KPNB1: variants seen among roughly 807,000 people sequenced by gnomAD.
KPNB1 encodes the protein importin subunit beta-1.
Under a neutral mutation model 113.0 loss-of-function variants are expected in KPNB1, and 7 were observed. The observed-to-expected ratio is 0.06, with a 90% CI of 0.04 to 0.12. The LOEUF is 0.12. KPNB1 is among the 10% of genes least tolerant of loss of function. The pLI, the probability that KPNB1 is intolerant of heterozygous loss-of-function variation, is 1.00. For synonymous variants in KPNB1, 363 were observed against 378.6 expected (o/e 0.96, Z 0.48); for missense variants, 400 against 1,054.8 (o/e 0.38, Z 8.60).
At chr17:47,653,430 C>T (rs1215038039) in intron 3 of KPNB1, among the ~76,000 whole-genome samples, 10 of 151,942 alleles carry the variant, frequency 6.6e-5, no homozygotes, top group Admixed American at 2.0e-4. Context: ...GAAGTAGAGA[C>T]GGGGTTTCAC....
At chr17:47,675,050 G>A (rs1174903874) in intron 15 of KPNB1, among the ~76,000 whole-genome samples, 1 of 152,032 alleles carries the variant, frequency 6.6e-6, no homozygotes, top group Non-Finnish European at 1.5e-5. Context: ...GAACTCCTGA[G>A]TCAAGTGATC....
intron 20 of KPNB1, 22 bp from the exon 21 acceptor site, chr17:47,680,486 C>T (rs765372631): frequency 4.3e-6 from 7 of 1,613,298 alleles, no homozygotes; most frequent in Non-Finnish European, 5.1e-6. Context: ...AGCTCATTCT[C>T]AGCTGTGTTT....
chr17:47,665,242 C>T, intron 9 of KPNB1, 84 bp downstream of exon 9: 5 of 1,000,620 alleles, frequency 5.0e-6, no homozygotes, highest in Non-Finnish European at 7.9e-6. Context: ...GAAGGAACTT[C>T]GCAGCCCATC....
chr17:47,672,401 TA>T (rs1323344525), intron 12 of KPNB1, among the ~76,000 whole-genome samples: 1 of 151,316 alleles, frequency 6.6e-6, no homozygotes, highest in Non-Finnish European at 1.5e-5. Context: ...AAAATTGGGG[TA>T]TTTTTTTTTT....
At chr17:47,679,301 C>CAACATAAA (rs2143178898) in intron 19 of KPNB1, among the ~76,000 whole-genome samples, 1 of 152,174 alleles carries the variant, frequency 6.6e-6, no homozygotes, top group South Asian at 2.1e-4. Context: ...GGAAGAAACC[C>CAACATAAA]AACATAAATG....
At chr17:47,662,790 C>T (rs1050092145) in intron 6 of KPNB1, among the ~76,000 whole-genome samples, 6 of 151,480 alleles carry the variant, frequency 4.0e-5, no homozygotes, top group African/African-American at 1.2e-4. Flanking sequence ...GGCTGAGGCA[C>T]GAGAATTGCT....
chr17:47,669,848 A>G lies in KPNB1; in HGVS notation c.1395A>G (p.Arg465=). 6.2e-7 allele frequency: 1 copy of G among 1,608,822 alleles called. No individual in the cohort carries two copies. Among genetic ancestry groups the G allele is most frequent in the Non-Finnish European group, 8.5e-7 (1 of 1,175,480 alleles). The change falls in exon 11 of 22, where the codon AGA becomes AGG. Residue 465 remains arginine, a synonymous_variant. Coordinates refer to ENST00000290158, the MANE Select transcript of KPNB1 (RefSeq NM_002265.6). The stretch of plus-strand genomic sequence containing the variant: ...TTGAGGGTCTCAGTGCTGAACCCAG[A>G]GTGGCTTCAAATGTGTGCTGGGTAA... The part of the protein sequence containing the change: ...CLIEGLSAEP[R]VASNVCWAFS...
At chr17:47,665,580 A>G (rs192503308) in intron 9 of KPNB1, among the ~76,000 whole-genome samples, 6 of 152,362 alleles carry the variant, frequency 3.9e-5, no homozygotes, top group South Asian at 4.1e-4. Flanking sequence ...GAAGTTGGAT[A>G]TAAGTTATTC....
Position 47,670,818 on chromosome 17 carries a change from A to G in KPNB1, c.1533A>G (p.Leu511=), listed in dbSNP as rs1044974836. The change falls in exon 12 of 22, where the codon CTA becomes CTG. Residue 511 remains leucine, a synonymous_variant. Coordinates refer to ENST00000290158, the MANE Select transcript of KPNB1 (RefSeq NM_002265.6). ...SSFELIVQKL[L]ETTDRPDGHQ... ...TTGAACTCATAGTTCAGAAGCTCCT[A>G]GAGACTACAGACAGGTAACTGATAT... The G allele has an allele frequency of 4.4e-6, 7 of 1,607,806 alleles. No homozygotes were observed. Among genetic ancestry groups the G allele is most frequent in the Non-Finnish European group, 5.1e-6 (6 of 1,174,966 alleles).
intron 14 of KPNB1, 126 bp downstream of exon 14, chr17:47,673,687 G>A (rs2143158584): frequency 1.4e-6 from 1 of 732,562 alleles, no homozygotes; most frequent in East Asian, 2.6e-5. Context: ...GCTGTTCTCA[G>A]AAGGCTTTGG....
chr17:47,653,498 T>C (rs565240198), intron 3 of KPNB1, among the ~76,000 whole-genome samples: 7 of 152,274 alleles, frequency 4.6e-5, no homozygotes, highest in African/African-American at 1.7e-4. Flanking sequence ...TGCCTTGGCT[T>C]CCCAAAGTGC....
At chr17:47,670,902 A>G (rs1567892763) in intron 12 of KPNB1, 70 bp downstream of exon 12, 1 of 1,302,324 alleles carries the variant, frequency 7.7e-7, no homozygotes, top group East Asian at 2.3e-5. Context: ...TGTGGAGGAT[A>G]TCTAGCTTAA....
rs1189265554 is a variant in KPNB1, at chr17:47,670,852, A to C, written c.1547+20A>C. ...AGACAGGTAACTGATATTTCACAGA[A>C]ATGAGTGACGTCTTTGCATCCAAGT... On this transcript the variant is annotated intron_variant, in intron 12 of 21. Transcript: ENST00000290158. 14 of 1,587,682 alleles carry C rather than the reference A, an allele frequency of 8.8e-6. No individual in the cohort carries two copies. The highest frequency in any genetic ancestry group is 1.2e-5 in the Non-Finnish European group (14 of 1,159,608).
chr17:47,677,956 C>T lies in KPNB1; in HGVS notation c.2104-90C>T, dbSNP rs8067263. 3,689 of 1,291,946 alleles carry T rather than the reference C, an allele frequency of 2.9e-3. 86 individuals are homozygous for T. The African/African-American group carries it at 0.047, about 16-fold the overall frequency. The allele number at this position is 1,291,946 out of a possible 1,614,324, so 80.0% of individuals were successfully genotyped here. A position where few individuals can be genotyped will look rare whatever the true frequency, so the allele number is the denominator to read the frequency against. ...AAAGGACCATCCAAATATTTAAAAT[C>T]AATAGTTGCTTGTTAGAAATGAAAT... On this transcript the variant is annotated intron_variant, in intron 17 of 21. Transcript: ENST00000290158.
intron 15 of KPNB1, 50 bp from the exon 16 acceptor site, chr17:47,676,359 C>T (rs2030614646): frequency 2.3e-6 from 3 of 1,330,128 alleles, no homozygotes; most frequent in Non-Finnish European, 3.3e-6. Context: ...CTGCCTGCCT[C>T]TGTGTTAACC....
intron 2 of KPNB1, 133 bp downstream of exon 2, chr17:47,650,577 C>T (rs1375434790): frequency 3.5e-5 from 26 of 748,620 alleles, no homozygotes; most frequent in South Asian, 1.0e-4. Flanking sequence ...CTCCCCCTCC[C>T]CCCCCAACCC....
chr17:47,653,980 G>A (rs1915650805), intron 3 of KPNB1, among the ~76,000 whole-genome samples: 3 of 152,120 alleles, frequency 2.0e-5, no homozygotes, highest in African/African-American at 4.8e-5. Flanking sequence ...TCTATCACTG[G>A]AAATCTCGAT....
chr17:47,659,883 GC>G (rs2030036552), intron 5 of KPNB1, among the ~76,000 whole-genome samples: 1 of 151,106 alleles, frequency 6.6e-6, no homozygotes, highest in Non-Finnish European at 1.5e-5. Flanking sequence ...GGGCAACAGT[GC>G]AAGACTCTGT....
intron 5 of KPNB1, among the ~76,000 whole-genome samples, chr17:47,660,858 G>A (rs1454062663): frequency 2.0e-5 from 3 of 152,184 alleles, no homozygotes; most frequent in African/African-American, 7.2e-5. Flanking sequence ...CCTCCCTGAA[G>A]TCTTTGTTAG....
Sources: gnomAD v4.1 joint callset for allele counts (sites outside exome capture counted in the v4.1 genomes callset) on GRCh38, gnomAD v4.1.1 for gene constraint, MANE v1.5 for transcripts, NCBI Gene and HGNC (gene_info 2026-07-23, HGNC 2026-07-21) for gene names.